The following ZNF517 variants were observed in gnomAD, a reference collection of about 807,000 sequenced individuals.
ZNF517 encodes the protein zinc finger protein 517.
Under a neutral mutation model 12.1 loss-of-function variants are expected in ZNF517, and 12 were observed. That is an observed-to-expected ratio of 0.99 (90% confidence interval 0.63 to 1.61). ZNF517 has a LOEUF of 1.61. Among genes scored for constraint, ZNF517 ranks in the 40% most tolerant of loss-of-function variants. The pLI is 0.00. For synonymous variants in ZNF517, 388 were observed against 310.2 expected, an observed-to-expected ratio of 1.25 and a Z score of -2.63; for missense variants, 781 against 693.2, an observed-to-expected ratio of 1.13 and a Z score of -1.42.
Position 144,807,561 on chromosome 8 carries a change from G to A in ZNF517, c.645G>A (p.Lys215=). 6.3e-7 allele frequency: 1 copy of A among 1,599,080 alleles called. No homozygotes were observed. ...GCACAGAGTGCGGGAAGGCCTTCAA[G>A]CAAAGCTCCATCCTGCTGCGGCACC... ...FQCTECGKAF[K]QSSILLRHQL... is the part of the protein sequence containing the mutation. Residue 215 remains lysine, a synonymous_variant, in exon 5 of 5, where the codon AAG becomes AAA. Transcript: ENST00000359971.
chr8:144,806,448 C>T (rs144632443), intron 4 of ZNF517, among the ~76,000 whole-genome samples: 58 of 152,196 alleles, frequency 3.8e-4, no homozygotes, highest in African/African-American at 1.3e-3. Flanking sequence ...CCTTTTTGTT[C>T]CCTTCTCACC....
At chr8:144,802,817 C>T in intron 1 of ZNF517, 53 bp from the exon 2 acceptor site, 1 of 1,603,162 alleles carries the variant, frequency 6.2e-7, no homozygotes, top group Non-Finnish European at 8.5e-7. Context: ...TTCTGGGGGG[C>T]TGGAGGGCCT....
At position 144,807,491 on chromosome 8, in the gene ZNF517, T is replaced by C. The variant is rs1254021341; in HGVS notation, c.575T>C (p.Leu192Pro). Residue 192 changes from leucine to proline, a missense_variant, in exon 5 of 5, where the codon CTT (leucine) becomes CCT (proline). Coordinates refer to ENST00000359971, the MANE Select transcript of ZNF517 (RefSeq NM_213605.3). ...CGKAFRYNSL[L>P]LRHQIIHTGA... ...AAGGCGTTCAGATACAACTCGCTGCTTCTCAGGCACCAGATCATCCACACC... is the reference window on the plus strand; with the variant it reads ...AAGGCGTTCAGATACAACTCGCTGCCTCTCAGGCACCAGATCATCCACACC... 1.3e-6 allele frequency: 2 copies of C among 1,587,020 alleles called. No individual in the cohort carries two copies. The highest frequency in any genetic ancestry group is 4.7e-5 in the East Asian group (2 of 42,868).
At chr8:144,804,596 TAGA>T (rs1827131427) in intron 4 of ZNF517, among the ~76,000 whole-genome samples, 1 of 151,834 alleles carries the variant, frequency 6.6e-6, no homozygotes, top group African/African-American at 2.4e-5. Flanking sequence ...GACAAAGAGA[TAGA>T]AGAAAAGACA....
chr8:144,810,004 G>A lies in ZNF517; in HGVS notation c.*1609G>A. The A allele has an allele frequency of 4.4e-6, 2 of 453,928 alleles. No homozygotes were observed. The highest frequency in any genetic ancestry group is 7.9e-6 in the Non-Finnish European group (2 of 251,706). 28.1% of individuals were successfully genotyped at this position (453,928 alleles called of 1,614,324 possible). A position where few individuals can be genotyped will look rare whatever the true frequency, so the allele number is the denominator to read the frequency against. On this transcript the variant is annotated 3_prime_UTR_variant, in exon 5 of 5. Transcript: ENST00000359971. Reference sequence around the variant, plus strand: ...GGAGGTAGAGGTTGCAGTGAGCCGAGATCGAGCCACTGCACTCCAGCCTGG... The same window carrying A: ...GGAGGTAGAGGTTGCAGTGAGCCGAAATCGAGCCACTGCACTCCAGCCTGG...
rs1223373010 is a variant in ZNF517, at chr8:144,807,462, C to T, written c.546C>T (p.Cys182=). The change falls in exon 5 of 5, where the codon TGC becomes TGT. Residue 182 remains cysteine (C), a synonymous_variant. Coordinates refer to ENST00000359971, the MANE Select transcript of ZNF517 (RefSeq NM_213605.3). The part of the protein sequence containing the change: ...GSSAPRYRCV[C]GKAFRYNSLL... ...CAGCCCCCCGCTACAGGTGCGTGTG[C>T]GGCAAGGCGTTCAGATACAACTCGC... 1.5e-5 allele frequency: 23 copies of T among 1,578,106 alleles called. No individual in the cohort carries two copies. The highest frequency in any genetic ancestry group is 1.9e-5 in the Non-Finnish European group (22 of 1,162,554).
intron 1 of ZNF517, among the ~76,000 whole-genome samples, chr8:144,801,315 C>T (rs959864283): frequency 1.5e-4 from 23 of 151,914 alleles, no homozygotes; most frequent in African/African-American, 5.6e-4. Context: ...ACTCTGTATA[C>T]GTCTGCTTAG....
At position 144,808,327 on chromosome 8, in the gene ZNF517, C is replaced by A; in HGVS notation, c.1411C>A (p.Gln471Lys). The A allele has an allele frequency of 6.6e-7, 1 of 1,507,852 alleles. No homozygotes were observed. The highest frequency in any genetic ancestry group is 8.9e-7 in the Non-Finnish European group (1 of 1,125,262). The allele number at this position is 1,507,852 out of a possible 1,614,324, so 93.4% of individuals were successfully genotyped here. ...CSRLSTLIQH[Q>K]KVHGREPGED... ...CCGGCTGTCCACCCTCATCCAGCAC[C>A]AGAAGGTGCACGGCCGCGAGCCCGG... The change falls in exon 5 of 5, where the codon CAG (glutamine) becomes AAG (lysine). Residue 471 changes from glutamine (Q) to lysine (K), a missense_variant. Coordinates refer to ENST00000359971, the MANE Select transcript of ZNF517 (RefSeq NM_213605.3).
In ZNF517 at chr8:144,807,898, C is replaced by G. The variant is rs368552133; in HGVS notation, c.982C>G (p.Arg328Gly). The change falls in exon 5 of 5, where the codon CGA (arginine) becomes GGA (glycine). Residue 328 changes from arginine to glycine, a missense_variant. Transcript: ENST00000359971. ...RCLRCGQRFI[R>G]GSSLLKHHRL... ...CCTGCGGTGTGGGCAGCGCTTCATC[C>G]GAGGGTCCTCGCTCCTGAAGCACCA... 6.5e-7 allele frequency: 1 copy of G among 1,536,980 alleles called. No individual in the cohort carries two copies. Among genetic ancestry groups the G allele is most frequent in the Non-Finnish European group, 8.7e-7 (1 of 1,146,156 alleles).
Position 144,807,941 on chromosome 8 carries a change from A to C in ZNF517, c.1025A>C (p.Glu342Ala), listed in dbSNP as rs1348448885. ...AAGCACCACCGGCTGCACGCGCAGG[A>C]GGGTGCCCAGGACGGCGGCGTGGGG... ...LLKHHRLHAQEGAQDGGVGQG... is the reference protein window; with the variant it reads ...LLKHHRLHAQAGAQDGGVGQG... Residue 342 changes from glutamate (E) to alanine (A), a missense_variant, in exon 5 of 5, where the codon GAG (glutamate) becomes GCG (alanine). Coordinates refer to ENST00000359971, the MANE Select transcript of ZNF517 (RefSeq NM_213605.3). 6.6e-7 allele frequency: 1 copy of C among 1,508,242 alleles called. No individual in the cohort carries two copies. Among genetic ancestry groups the C allele is most frequent in the African/African-American group, 1.4e-5 (1 of 72,218 alleles). The allele number at this position is 1,508,242 out of a possible 1,614,324, so 93.4% of individuals were successfully genotyped here. A position where few individuals can be genotyped will look rare whatever the true frequency, so the allele number is the denominator to read the frequency against.
At chr8:144,810,219 T>A (rs1347999005), downstream of ZNF517, 7 of 690,642 alleles carry the variant, frequency 1.0e-5, no homozygotes. Context: ...TGCTGCATCC[T>A]CTTGGCCCCA....
rs1827425132 is a variant in ZNF517, at chr8:144,808,697, A to T, written c.*302A>T. 1 of 292,806 alleles carries T rather than the reference A, an allele frequency of 3.4e-6. No homozygotes were observed. The highest frequency in any genetic ancestry group is 2.2e-5 in the African/African-American group (1 of 45,918). 18.1% of individuals were successfully genotyped at this position (292,806 alleles called of 1,614,324 possible). A position where few individuals can be genotyped will look rare whatever the true frequency, so the allele number is the denominator to read the frequency against. ...CAGCTATGCTCAGTCCCCAAAGAGC[A>T]GGGCACAGGGGGCGCCACAGACGCA... On this transcript the variant is annotated 3_prime_UTR_variant, in exon 5 of 5. Coordinates refer to ENST00000359971, the MANE Select transcript of ZNF517 (RefSeq NM_213605.3).
intron 4 of ZNF517, among the ~76,000 whole-genome samples, chr8:144,805,111 T>C (rs1199915103): frequency 6.6e-6 from 1 of 152,222 alleles, no homozygotes; most frequent in Admixed American, 6.5e-5. Context: ...AACTAGTGCC[T>C]TCCCAGGCAC....
At chr8:144,812,008 A>T (rs2955214), downstream of ZNF517, among the ~76,000 whole-genome samples, 1 of 79,418 alleles carries the variant, frequency 1.3e-5, no homozygotes. Flanking sequence ...GCTGAGACAG[A>T]GTGGGAGAGA....
In ZNF517 at chr8:144,807,569, C is replaced by G. The variant is rs1263669690; in HGVS notation, c.653C>G (p.Ser218Cys). ...TECGKAFKQSSILLRHQLIHT... is the reference protein window; with the variant it reads ...TECGKAFKQSCILLRHQLIHT... ...TGCGGGAAGGCCTTCAAGCAAAGCTCCATCCTGCTGCGGCACCAGCTGATC... is the reference window on the plus strand; with the variant it reads ...TGCGGGAAGGCCTTCAAGCAAAGCTGCATCCTGCTGCGGCACCAGCTGATC... The change falls in exon 5 of 5, where the codon TCC becomes TGC. Residue 218 changes from serine to cysteine, a missense_variant. Physicochemically the swap from Ser to Cys is moderately radical, Grantham distance 112. Coordinates refer to ENST00000359971, the MANE Select transcript of ZNF517 (RefSeq NM_213605.3). 6.2e-7 allele frequency: 1 copy of G among 1,601,008 alleles called. No homozygotes were observed. Among genetic ancestry groups the G allele is most frequent in the African/African-American group, 1.3e-5 (1 of 74,434 alleles).
intron 4 of ZNF517, among the ~76,000 whole-genome samples, chr8:144,806,020 CTA>C (rs895822897): frequency 2.7e-4 from 41 of 152,274 alleles, no homozygotes; most frequent in Non-Finnish European, 4.0e-4. Context: ...TCTAGTATAA[CTA>C]TTCTTATTTT....
intron 2 of ZNF517, 122 bp downstream of exon 2, chr8:144,803,069 C>A: frequency 7.7e-7 from 1 of 1,301,060 alleles, no homozygotes; most frequent in Non-Finnish European, 1.1e-6. Context: ...ATGGAGTCTG[C>A]AAGCCGAGGA....
At position 144,808,254 on chromosome 8, in the gene ZNF517, C is replaced by T; in HGVS notation, c.1338C>T (p.His446=). Residue 446 remains histidine, a synonymous_variant, in exon 5 of 5, where the codon CAC becomes CAT. Transcript: ENST00000359971. Reference sequence around the variant, plus strand: ...CGCTGAACGAGCACTACCGGCTCCACAGCGGCGAGAGGCCATACCGGTGCC... The same window carrying T: ...CGCTGAACGAGCACTACCGGCTCCATAGCGGCGAGAGGCCATACCGGTGCC... The part of the protein sequence containing the change: ...SYTLNEHYRL[H]SGERPYRCRA... 1 of 1,594,034 alleles carries T rather than the reference C, an allele frequency of 6.3e-7. No individual in the cohort carries two copies. The highest frequency in any genetic ancestry group is 2.3e-5 in the East Asian group (1 of 44,236).
chr8:144,810,536 C>T (rs1490319549), downstream of ZNF517: 1 of 311,532 alleles, frequency 3.2e-6, no homozygotes. Context: ...TGAGCATCCC[C>T]AACATGGAGC....
Sources: gnomAD v4.1 joint callset for allele counts (sites outside exome capture counted in the v4.1 genomes callset) on GRCh38, gnomAD v4.1.1 for gene constraint, MANE v1.5 for transcripts, NCBI Gene and HGNC (gene_info 2026-07-23, HGNC 2026-07-21) for gene names.